The following PIAS3 variants were observed in gnomAD, a reference collection of about 807,000 sequenced individuals.
PIAS3 encodes E3 SUMO-protein ligase PIAS3.
PIAS3 carries 34 observed loss-of-function variants against 67.6 expected under a neutral mutation model. That is an observed-to-expected ratio of 0.50 (90% confidence interval 0.38 to 0.67). PIAS3 has a LOEUF of 0.67. PIAS3 is among the 30% of genes least tolerant of loss of function. PIAS3 has a pLI of 0.00. For missense variants in PIAS3, 693 were observed against 791.6 expected, an observed-to-expected ratio of 0.88 and a Z score of 1.49; for synonymous variants, 341 against 313.8, an observed-to-expected ratio of 1.09 and a Z score of -0.92.
At chr1:145,858,505 G>C (rs1653283721) in intron 1 of PIAS3, among the ~76,000 whole-genome samples, 1 of 149,332 alleles carries the variant, frequency 6.7e-6, no homozygotes, top group African/African-American at 2.5e-5. Flanking sequence ...GATCCCGAGA[G>C]TAGCCCCAAA....
chr1:145,849,821 A>T, intron 13 of PIAS3, 109 bp from the exon 14 acceptor site: 1 of 1,486,892 alleles, frequency 6.7e-7, no homozygotes, highest in Non-Finnish European at 8.9e-7. Flanking sequence ...GTGGATCCGA[A>T]GGTATTCTCT....
At position 145,851,164 on chromosome 1, in the gene PIAS3, A is replaced by T; in HGVS notation, c.1146-11T>A. The T allele has an allele frequency of 6.2e-7, 1 of 1,613,178 alleles. No individual in the cohort carries two copies. The highest frequency in any genetic ancestry group is 8.5e-7 in the Non-Finnish European group (1 of 1,179,110). ...ATCTCCATAAATAAACTGGGGGAAG[A>T]GAGAGATGAAAATTCACGGGGCTGG... is the stretch of plus-strand genomic sequence containing the variant. On this transcript the variant is annotated splice_polypyrimidine_tract_variant and intron_variant, in intron 9 of 13. Transcript: ENST00000393045.
intron 4 of PIAS3, 57 bp from the exon 5 acceptor site, chr1:145,855,883 G>A: frequency 8.1e-7 from 1 of 1,231,656 alleles, no homozygotes. Flanking sequence ...ACTTGAATCT[G>A]GCAGAGAGAC....
In PIAS3 at chr1:145,854,865, T is replaced by C. The variant is rs782232150; in HGVS notation, c.685A>G (p.Thr229Ala). 4 of 1,614,020 alleles carry C rather than the reference T, an allele frequency of 2.5e-6. No homozygotes were observed. The Admixed American group carries it at 5.0e-5, about 20-fold the overall frequency. The part of the protein sequence containing the change: ...LCPLPGYLPP[T>A]KNGAEPKRPS... ...CTCTTGGGCTCGGCCCCATTCTTGGTTGGGGGAAGGTAACCCTGGAGAAGG... is the reference window on the plus strand; with the variant it reads ...CTCTTGGGCTCGGCCCCATTCTTGGCTGGGGGAAGGTAACCCTGGAGAAGG... The change falls in exon 6 of 14, where the codon ACC becomes GCC. Residue 229 changes from threonine (T) to alanine (A), a missense_variant. Physicochemically the swap from Thr to Ala is moderately conservative, Grantham distance 58. Transcript: ENST00000393045.
chr1:145,853,486 G>A lies in PIAS3; in HGVS notation c.1145+18C>T. 1.3e-6 allele frequency: 2 copies of A among 1,579,786 alleles called. No individual in the cohort carries two copies. The highest frequency in any genetic ancestry group is 1.4e-5 in the African/African-American group (1 of 73,640). ...TTCTAGTGGATGTCCTAGGTAAGAG[G>A]AAGCAAAATGGCCCTACCCATCAAT... On this transcript the variant is annotated intron_variant, in intron 9 of 13. Transcript: ENST00000393045.
chr1:145,853,784 A>C, intron 8 of PIAS3, 29 bp downstream of exon 8: 2 of 1,611,168 alleles, frequency 1.2e-6, no homozygotes, highest in South Asian at 1.1e-5. Flanking sequence ...CTCCCTTCCC[A>C]CCCTGTTCCC....
intron 9 of PIAS3, 46 bp from the exon 10 acceptor site, chr1:145,851,199 A>G: frequency 6.3e-7 from 1 of 1,599,240 alleles, no homozygotes; most frequent in Middle Eastern, 1.7e-4. Flanking sequence ...GGAGATGAGC[A>G]GAACAGTAGC....
At chr1:145,850,622 C>G in intron 11 of PIAS3, 36 bp from the exon 12 acceptor site, 1 of 1,608,582 alleles carries the variant, frequency 6.2e-7, no homozygotes, top group South Asian at 1.1e-5. Flanking sequence ...GCCAGCAAAC[C>G]ACAGATGCCC....
At chr1:145,857,575 T>C (rs1559165832) in intron 1 of PIAS3, among the ~76,000 whole-genome samples, 1 of 152,132 alleles carries the variant, frequency 6.6e-6, no homozygotes, top group Non-Finnish European at 1.5e-5. Flanking sequence ...CCCCCAAGCC[T>C]CTGAAGCTTC....
In PIAS3 at chr1:145,858,985, C is replaced by G; in HGVS notation, c.6G>C (p.Ala2=). The G allele has an allele frequency of 6.5e-7, 1 of 1,544,934 alleles. No individual in the cohort carries two copies. Among genetic ancestry groups the G allele is most frequent in the Non-Finnish European group, 8.7e-7 (1 of 1,146,578 alleles). Residue 2 remains alanine, a synonymous_variant, in exon 1 of 14, where the codon GCG becomes GCC. Coordinates refer to ENST00000393045, the MANE Select transcript of PIAS3 (RefSeq NM_006099.3). The part of the protein sequence containing the change: M[A]ELGELKHMVM... The stretch of plus-strand genomic sequence containing the variant: ...CCGGTACCTTTAATTCGCCCAGCTC[C>G]GCCATCTTGAGACATCGCAGGCGCC...
chr1:145,856,193 GAA>G, intron 3 of PIAS3, 75 bp from the exon 4 acceptor site: 1 of 1,376,220 alleles, frequency 7.3e-7, no homozygotes. Context: ...CAGAAAGGCT[GAA>G]AGTCAGATGT....
intron 4 of PIAS3, 51 bp from the exon 5 acceptor site, chr1:145,855,877 G>T: frequency 8.0e-7 from 1 of 1,249,980 alleles, no homozygotes; most frequent in Non-Finnish European, 1.2e-6. Context: ...TTCTTAACTT[G>T]AATCTGGCAG....
At chr1:145,849,791 T>G in intron 13 of PIAS3, 79 bp from the exon 14 acceptor site, 1 of 1,504,624 alleles carries the variant, frequency 6.6e-7, no homozygotes, top group Non-Finnish European at 8.9e-7. Flanking sequence ...AGAAATGCCG[T>G]ATGAGAGCAA....
chr1:145,856,986 C>A lies in PIAS3; in HGVS notation c.45G>T (p.Arg15=). 1 of 1,614,090 alleles carries A rather than the reference C, an allele frequency of 6.2e-7. No homozygotes were observed. Among genetic ancestry groups the A allele is most frequent in the Non-Finnish European group, 8.5e-7 (1 of 1,179,972 alleles). ...GELKHMVMSF[R]VSELQVLLGF... The stretch of plus-strand genomic sequence containing the variant: ...CAAGAAGCACCTGGAGCTCAGACAC[C>A]CGGAAACTCATCACCATGTGCTGTG... Residue 15 remains arginine (R), a synonymous_variant, in exon 2 of 14, where the codon CGG becomes CGT. Coordinates refer to ENST00000393045, the MANE Select transcript of PIAS3 (RefSeq NM_006099.3).
Position 145,851,102 on chromosome 1 carries a change from GAA to G in PIAS3, c.1195_1196del (p.Phe399HisfsTer17). On this transcript the variant is annotated frameshift_variant, in exon 10 of 14. Transcript: ENST00000393045. LOFTEE classifies it high-confidence loss of function. ...SSCSDCDEIQ[F>X]MEDGSWCPMK... is the part of the protein sequence containing the mutation. ...TTGGGCACCAGGATCCATCTTCCAT[GAA>G]TTGGATCTCATCACAATCTGAACAG... is the stretch of plus-strand genomic sequence containing the variant. 1 of 1,613,606 alleles carries G rather than the reference GAA, an allele frequency of 6.2e-7. No individual in the cohort carries two copies. Among genetic ancestry groups the G allele is most frequent in the Non-Finnish European group, 8.5e-7 (1 of 1,179,526 alleles).
At position 145,850,249 on chromosome 1, in the gene PIAS3, GA is replaced by G; in HGVS notation, c.1602del (p.Leu535PhefsTer16). The G allele has an allele frequency of 1.2e-6, 2 of 1,614,170 alleles. No homozygotes were observed. Among genetic ancestry groups the G allele is most frequent in the East Asian group, 4.5e-5 (2 of 44,892 alleles). On this transcript the variant is annotated frameshift_variant, in exon 13 of 14. Transcript: ENST00000393045. LOFTEE classifies it high-confidence loss of function. ...CCACTTACCTGACTCTCTGTCTGAA[GA>G]AATGAAAATAAATCTAAACCTGGCA... ...ADIQGLDLFS[F>X]LQTESQHYGP... is the part of the protein sequence containing the mutation.
rs1652877818 is a variant in PIAS3, at chr1:145,849,708, T to C, written c.1625A>G (p.Tyr542Cys). ...TAGTGAGGTGATGACAGAGGGGCCA[T>C]AGTGCTAGGAAGAATCAAGGGCATA... Reference protein sequence around the residue: ...FSFLQTESQHYGPSVITSLDE... With the variant: ...FSFLQTESQHCGPSVITSLDE... Residue 542 changes from tyrosine (Y) to cysteine (C), a missense_variant, in exon 14 of 14, where the codon TAT (tyrosine) becomes TGT (cysteine). By Grantham distance (194) the Tyr-to-Cys change is radical. Coordinates refer to ENST00000393045, the MANE Select transcript of PIAS3 (RefSeq NM_006099.3). 3.1e-6 allele frequency: 5 copies of C among 1,598,916 alleles called. No homozygotes were observed. Among genetic ancestry groups the C allele is most frequent in the Non-Finnish European group, 3.4e-6 (4 of 1,173,004 alleles).
In PIAS3 at chr1:145,854,556, G is replaced by C; in HGVS notation, c.812C>G (p.Ser271Cys). The C allele has an allele frequency of 6.2e-7, 1 of 1,611,606 alleles. No homozygotes were observed. The highest frequency in any genetic ancestry group is 8.5e-7 in the Non-Finnish European group (1 of 1,177,712). The change falls in exon 7 of 14, where the codon TCC becomes TGC. Residue 271 changes from serine (S) to cysteine (C), a missense_variant. Transcript: ENST00000393045. ...NWSSEFGRNY[S>C]LSVYLVRQLT... is the part of the protein sequence containing the mutation. ...CTGCCTCACCAGGTACACAGACAAG[G>C]AGTAATTCTACTTGGAGGCAGGGGG...
intron 9 of PIAS3, among the ~76,000 whole-genome samples, chr1:145,852,061 C>G (rs1553734519): frequency 6.6e-6 from 1 of 151,800 alleles, no homozygotes; most frequent in African/African-American, 2.4e-5. Flanking sequence ...GGCACTGGGT[C>G]TTTGGCTTTC....
Sources: allele counts gnomAD v4.1 joint callset (sites outside exome capture counted in the v4.1 genomes callset), GRCh38; gene constraint gnomAD v4.1.1; transcripts MANE v1.5; gene names NCBI Gene and HGNC (gene_info 2026-07-23, HGNC 2026-07-21).